Variants in FAM200B observed in about 807,000 individuals in gnomAD.
The protein encoded by FAM200B is protein FAM200B.
A neutral mutation model predicts 33.1 loss-of-function variants in FAM200B; 32 were observed. The ratio of observed to expected loss-of-function variants is 0.97; its 90% CI spans 0.73 to 1.30. FAM200B has a LOEUF of 1.30. Among genes scored for constraint, FAM200B ranks in the 50% most tolerant of loss-of-function variants. The probability of loss-of-function intolerance (pLI) is 0.00; values close to 1 mark genes in which losing one functional copy is unlikely to be tolerated. For synonymous variants in FAM200B, 240 were observed against 264.8 expected (o/e 0.91, Z 0.91); for missense variants, 741 against 754.0 (o/e 0.98, Z 0.20).
the FAM200B span, among the ~76,000 whole-genome samples, chr4:15,674,421 T>C: frequency 6.6e-6 from 1 of 152,252 alleles, no homozygotes; most frequent in East Asian, 1.9e-4. Context: ...TATGAATACA[T>C]AGCACACTCA....
the FAM200B span, among the ~76,000 whole-genome samples, chr4:15,668,724 T>C: frequency 6.6e-6 from 1 of 152,004 alleles, no homozygotes; most frequent in Non-Finnish European, 1.5e-5. Context: ...AGGAAAAAAA[T>C]ACATTCAAGT....
upstream of FAM200B, among the ~76,000 whole-genome samples, chr4:15,677,199 TTTATG>T (rs1382480794): frequency 3.9e-5 from 6 of 152,280 alleles, no homozygotes; most frequent in Non-Finnish European, 7.4e-5. Context: ...AAAAGATACC[TTTATG>T]TTATGTTTCT....
the FAM200B span, chr4:15,638,492 T>C: frequency 1.9e-6 from 3 of 1,552,294 alleles, no homozygotes; most frequent in East Asian, 2.3e-5. Flanking sequence ...TTGTTCTTTA[T>C]ATATATGAAT....
chr4:15,655,275 G>T, the FAM200B span: 1 of 1,431,648 alleles, frequency 7.0e-7, no homozygotes, highest in Non-Finnish European at 9.3e-7. Flanking sequence ...ACTTCTTCAG[G>T]AAAGGGCGCC....
At chr4:15,682,072 C>T (rs1289761060) in intron 1 of FAM200B, 171 bp downstream of exon 1, 1 of 152,280 alleles carries the variant, frequency 6.6e-6, no homozygotes, top group African/African-American at 2.4e-5. Flanking sequence ...TAGGGTCGGC[C>T]GAGGGGTTCA....
the FAM200B span, among the ~76,000 whole-genome samples, chr4:15,649,930 C>CTTA: frequency 6.6e-6 from 1 of 152,172 alleles, no homozygotes; most frequent in South Asian, 2.1e-4. Flanking sequence ...AAAACTCTAA[C>CTTA]ATCTATGACT....
At chr4:15,640,203 G>T in the FAM200B span, among the ~76,000 whole-genome samples, 16 of 152,012 alleles carry the variant, frequency 1.1e-4, no homozygotes, top group African/African-American at 3.9e-4. Context: ...ACCATGCCCA[G>T]CTGATTTTTT....
chr4:15,640,601 CCTTT>C, the FAM200B span, among the ~76,000 whole-genome samples: 2 of 152,004 alleles, frequency 1.3e-5, no homozygotes, highest in South Asian at 2.1e-4. Flanking sequence ...AAAGCAACAA[CCTTT>C]CTGAGAAAAC....
chr4:15,674,118 A>C, the FAM200B span, among the ~76,000 whole-genome samples: 1 of 152,126 alleles, frequency 6.6e-6, no homozygotes, highest in Admixed American at 6.5e-5. Flanking sequence ...AAACTGAGTT[A>C]TGCTTGGTGC....
chr4:15,648,121 T>G, the FAM200B span, among the ~76,000 whole-genome samples: 3 of 152,190 alleles, frequency 2.0e-5, no homozygotes, highest in Non-Finnish European at 4.4e-5. Flanking sequence ...CATCCTGAGT[T>G]GCTGAGATTA....
the FAM200B span, chr4:15,656,424 TC>T: frequency 2.6e-6 from 1 of 389,476 alleles, no homozygotes; most frequent in Non-Finnish European, 5.1e-6. Context: ...GGCCAGAACC[TC>T]CAGGAGGGCA....
At chr4:15,656,311 G>A in the FAM200B span, 27 of 456,086 alleles carry the variant, frequency 5.9e-5, no homozygotes, top group Non-Finnish European at 1.8e-5. Context: ...TGCTCACGCC[G>A]GTCAGTCTTA....
At chr4:15,673,744 C>G in the FAM200B span, among the ~76,000 whole-genome samples, 1 of 152,332 alleles carries the variant, frequency 6.6e-6, no homozygotes, top group Non-Finnish European at 1.5e-5. Context: ...AGAATTCTCT[C>G]TCTATGCAGC....
At chr4:15,647,021 G>A in the FAM200B span, among the ~76,000 whole-genome samples, 2 of 151,316 alleles carry the variant, frequency 1.3e-5, no homozygotes, top group Non-Finnish European at 1.5e-5. Flanking sequence ...TCAGGAGTTC[G>A]AGACCAGCCT....
the FAM200B span, chr4:15,640,885 T>TTACTGTAA: frequency 1.4e-6 from 2 of 1,426,218 alleles, no homozygotes; most frequent in African/African-American, 3.0e-5. Context: ...ATATTCATTC[T>TTACTGTAA]GGAAACCAAA....
chr4:15,653,974 G>C, the FAM200B span, among the ~76,000 whole-genome samples: 9 of 152,218 alleles, frequency 5.9e-5, no homozygotes, highest in African/African-American at 2.2e-4. Context: ...GACAGTCCTG[G>C]TGTTTCCAAC....
chr4:15,660,453 T>A, the FAM200B span, among the ~76,000 whole-genome samples: 1 of 152,174 alleles, frequency 6.6e-6, no homozygotes, highest in East Asian at 1.9e-4. Flanking sequence ...TCCTAAAAAA[T>A]TTAAATGCTG....
the FAM200B span, among the ~76,000 whole-genome samples, chr4:15,665,647 G>A: frequency 1.3e-5 from 2 of 151,958 alleles, no homozygotes; most frequent in African/African-American, 2.4e-5. Context: ...CTAGAGCCCC[G>A]ACATGTTTTT....
At chr4:15,681,146 A>C (rs1354449703), upstream of FAM200B, 2 of 152,162 alleles carry the variant, frequency 1.3e-5, no homozygotes, top group African/African-American at 4.8e-5. Context: ...AAAATCAATG[A>C]TCTGCTAACC....
Sources: allele counts gnomAD v4.1 joint callset (sites outside exome capture counted in the v4.1 genomes callset), GRCh38; gene constraint gnomAD v4.1.1; transcripts MANE v1.5; gene names NCBI Gene and HGNC (gene_info 2026-07-23, HGNC 2026-07-21).